SIGLECL1: variants seen among roughly 807,000 people sequenced by gnomAD.
SIGLECL1 encodes the protein SIGLEC family-like protein 1.
In SIGLECL1, 16 loss-of-function variants were observed where a neutral mutation model predicts 19.1. The observed-to-expected ratio is 0.84, with a 90% CI of 0.57 to 1.27. The LOEUF (loss-of-function observed/expected upper bound fraction) is 1.27. SIGLECL1 is among the 50% of genes most tolerant of loss of function. The pLI, the probability that SIGLECL1 is intolerant of heterozygous loss-of-function variation, is 0.00. For synonymous variants in SIGLECL1, 89 were observed against 90.4 expected (o/e 0.98, Z 0.09); for missense variants, 210 against 239.4 (o/e 0.88, Z 0.81).
At chr19:51,264,320 G>C (rs111298866) in intron 2 of SIGLECL1, 1 of 510,678 alleles carries the variant, frequency 2.0e-6, no homozygotes, top group African/African-American at 2.0e-5. Flanking sequence ...GGGATGGAGA[G>C]TGTAGGTGCT....
rs1274332045 is a variant in SIGLECL1 at position 51,251,133 on chromosome 19, C to T, written c.-603C>T. The T allele has an allele frequency of 1.3e-5, 2 of 152,276 alleles. No homozygotes were observed. Among genetic ancestry groups the T allele is most frequent in the Admixed American group, 6.5e-5 (1 of 15,284 alleles). The allele number at this position is 152,276 out of a possible 1,614,324, so 9.4% of individuals were successfully genotyped here. On this transcript the variant is annotated 5_prime_UTR_variant, in exon 1 of 6. Coordinates refer to ENST00000601727, the MANE Select transcript of SIGLECL1 (RefSeq NM_001385465.1). ...GTCTTGCAGCGGCTATCACGCCCCT[C>T]ACGCCGCTATCTCTGTGCAGCCGAC...
chr19:51,262,892 T>G (rs200810798), intron 1 of SIGLECL1, among the ~76,000 whole-genome samples: 10 of 141,882 alleles, frequency 7.0e-5, no homozygotes, highest in Non-Finnish European at 1.3e-4. Flanking sequence ...ATGTATGTAT[T>G]TTATTTATTT....
chr19:51,252,746 A>G (rs1982569496), intron 1 of SIGLECL1, among the ~76,000 whole-genome samples: 1 of 152,148 alleles, frequency 6.6e-6, no homozygotes, highest in East Asian at 1.9e-4. Context: ...GACCACTCAG[A>G]GAGGTCTGTT....
chr19:51,259,118 T>C (rs146489046), intron 1 of SIGLECL1, among the ~76,000 whole-genome samples: 6 of 90,310 alleles, frequency 6.6e-5, no homozygotes, highest in Non-Finnish European at 6.6e-5. Context: ...TTTCTGGGAC[T>C]CATGTGGGAG....
rs1982463908 is a variant in SIGLECL1, at chr19:51,251,244, C to G, written c.-492C>G. ...GTTCTGGCGGTTGTTGGGTCCCTGG[C>G]AGTTGTTGGCGGTTGTTGGGTTCCT... On this transcript the variant is annotated 5_prime_UTR_variant, in exon 1 of 6. Transcript: ENST00000601727. 1 of 152,806 alleles carries G rather than the reference C, an allele frequency of 6.5e-6. No individual in the cohort carries two copies. The highest frequency in any genetic ancestry group is 2.4e-5 in the African/African-American group (1 of 41,450). 9.5% of individuals were successfully genotyped at this position (152,806 alleles called of 1,614,324 possible). A position where few individuals can be genotyped will look rare whatever the true frequency, so the allele number is the denominator to read the frequency against.
Position 51,265,367 on chromosome 19 carries a change from G to A in SIGLECL1, c.23-1G>A, listed in dbSNP as rs1336781655. ...TGACTCCTGACCCTTCCTCCCCACA[G>A]TACCTGCTAAGCTGCTCAACTCCTC... On this transcript the variant is annotated splice_acceptor_variant, in intron 2 of 5. Coordinates refer to ENST00000601727, the MANE Select transcript of SIGLECL1 (RefSeq NM_001385465.1). LOFTEE classifies it high-confidence loss of function. The A allele has an allele frequency of 1.2e-6, 2 of 1,602,100 alleles. No individual in the cohort carries two copies. Among genetic ancestry groups the A allele is most frequent in the Non-Finnish European group, 1.7e-6 (2 of 1,170,812 alleles).
chr19:51,265,463 T>TG lies in SIGLECL1; in HGVS notation c.120dup (p.Met41AspfsTer27), dbSNP rs773208210. On this transcript the variant is annotated frameshift_variant, in exon 3 of 6. Transcript: ENST00000601727. LOFTEE classifies it high-confidence loss of function. ...GATTCCCACACCCTCTGTGCAGTGG[T>TG]GGATGGGAGGAGTCCCCGTGGGTGT... The TG allele has an allele frequency of 1.6e-4, 254 of 1,613,882 alleles. 1 individual carries two copies. Among genetic ancestry groups the TG allele is most frequent in the Non-Finnish European group, 3.6e-5 (43 of 1,179,994 alleles).
intron 5 of SIGLECL1, among the ~76,000 whole-genome samples, 169 bp from the exon 6 acceptor site, chr19:51,268,402 G>A (rs570991689): frequency 6.0e-4 from 91 of 152,236 alleles, no homozygotes; most frequent in African/African-American, 1.9e-3. Context: ...GGAGAAGACC[G>A]AGTTGCAGGC....
upstream of SIGLECL1, among the ~76,000 whole-genome samples, chr19:51,249,267 A>G (rs1344496528): frequency 1.3e-5 from 2 of 152,144 alleles, no homozygotes; most frequent in East Asian, 3.9e-4. Context: ...GGTACTGATA[A>G]TATCAATTAC....
At chr19:51,247,167 G>A (rs1213634043), upstream of SIGLECL1, among the ~76,000 whole-genome samples, 1 of 152,084 alleles carries the variant, frequency 6.6e-6, no homozygotes, top group African/African-American at 2.4e-5. Flanking sequence ...TTTGGTCCAG[G>A]AACAAGGGTG....
At chr19:51,256,431 A>G (rs1244641399) in intron 1 of SIGLECL1, among the ~76,000 whole-genome samples, 1 of 152,256 alleles carries the variant, frequency 6.6e-6, no homozygotes, top group Non-Finnish European at 1.5e-5. Context: ...AAAGACAAGT[A>G]CTGCATGATC....
intron 5 of SIGLECL1, among the ~76,000 whole-genome samples, chr19:51,268,134 A>G (rs1255690035): frequency 6.6e-6 from 1 of 152,132 alleles, no homozygotes; most frequent in East Asian, 1.9e-4. Context: ...TTCCACCAAT[A>G]TTTCCTGCAA....
rs368943573 is a variant in SIGLECL1, at chr19:51,268,549, C to G, written c.568-22C>G. 18 of 1,613,688 alleles carry G rather than the reference C, an allele frequency of 1.1e-5. No individual in the cohort carries two copies. The African/African-American group carries it at 2.4e-4, about 22-fold the overall frequency. ...GTTCCAACATTCTTTTTTCTTTGTT[C>G]TATTTTGCACCTCGCTTTCAGGAAA... On this transcript the variant is annotated intron_variant, in intron 5 of 5. Transcript: ENST00000601727.
intron 1 of SIGLECL1, among the ~76,000 whole-genome samples, chr19:51,253,909 G>A (rs1450365603): frequency 1.3e-5 from 2 of 152,204 alleles, no homozygotes; most frequent in Non-Finnish European, 2.9e-5. Context: ...GAGTTGTTGA[G>A]ACTAAGATAA....
intron 1 of SIGLECL1, among the ~76,000 whole-genome samples, chr19:51,258,128 C>A (rs1467378211): frequency 6.6e-6 from 1 of 152,146 alleles, no homozygotes; most frequent in Admixed American, 6.5e-5. Context: ...TCTGTGAGTA[C>A]TTCTAGTGAA....
At chr19:51,258,536 T>C (rs1222987728) in intron 1 of SIGLECL1, among the ~76,000 whole-genome samples, 3 of 152,184 alleles carry the variant, frequency 2.0e-5, no homozygotes, top group Admixed American at 6.5e-5. Context: ...GGCAGTCCCT[T>C]GGCTATTTTT....
intron 2 of SIGLECL1, 120 bp from the exon 3 acceptor site, chr19:51,265,248 T>C (rs1983552258): frequency 8.7e-7 from 1 of 1,151,260 alleles, no homozygotes; most frequent in Middle Eastern, 3.1e-4. Flanking sequence ...TCCTGTGGGC[T>C]TCCAGAAAGT....
At chr19:51,257,877 A>G (rs1449018799) in intron 1 of SIGLECL1, 2 of 152,240 alleles carry the variant, frequency 1.3e-5, no homozygotes, top group African/African-American at 4.8e-5. Context: ...GAGGCCCAAT[A>G]AAAACACTGG....
At position 51,268,790 on chromosome 19, in the gene SIGLECL1, C is replaced by T; in HGVS notation, c.*193C>T. On this transcript the variant is annotated 3_prime_UTR_variant, in exon 6 of 6. Transcript: ENST00000601727. ...TCATTCTCCATTGAATAGGTGGTTA[C>T]TCTTAGACCTAGTCTTAGAACCTCT... 1 of 569,792 alleles carries T rather than the reference C, an allele frequency of 1.8e-6. No individual in the cohort carries two copies. The highest frequency in any genetic ancestry group is 2.4e-5 in the South Asian group (1 of 42,488). The allele number at this position is 569,792 out of a possible 1,614,324, so 35.3% of individuals were successfully genotyped here.
Sources: gnomAD v4.1 joint callset for allele counts (sites outside exome capture counted in the v4.1 genomes callset) on GRCh38, gnomAD v4.1.1 for gene constraint, MANE v1.5 for transcripts, NCBI Gene and HGNC (gene_info 2026-07-23, HGNC 2026-07-21) for gene names.